The following ERI3 variants were observed in gnomAD, a reference collection of about 807,000 sequenced individuals.
ERI3 encodes the protein ERI1 exoribonuclease family member 3.
In ERI3, 18 loss-of-function variants were observed where a neutral mutation model predicts 44.4. The observed-to-expected ratio is 0.41, with a 90% confidence interval of 0.28 to 0.60. The LOEUF (loss-of-function observed/expected upper bound fraction) is 0.60. Among genes scored for constraint, ERI3 ranks in the 20% least tolerant of loss-of-function variants. The probability of loss-of-function intolerance (pLI) is 0.36; values close to 1 mark genes in which losing one functional copy is unlikely to be tolerated. For synonymous variants in ERI3, 183 were observed against 164.8 expected, an observed-to-expected ratio of 1.11 and a Z score of -0.84; for missense variants, 294 against 435.5, an observed-to-expected ratio of 0.68 and a Z score of 2.89.
At chr1:44,298,799 TC>T (rs1645664158) in intron 6 of ERI3, among the ~76,000 whole-genome samples, 1 of 152,124 alleles carries the variant, frequency 6.6e-6, no homozygotes, top group Admixed American at 6.5e-5. Flanking sequence ...GTACCTATAG[TC>T]CCAGCTACTC....
chr1:44,341,582 C>A (rs1326330818), intron 2 of ERI3, among the ~76,000 whole-genome samples: 1 of 152,164 alleles, frequency 6.6e-6, no homozygotes, highest in Non-Finnish European at 1.5e-5. Context: ...CACCTGATTT[C>A]ATCTACATCA....
At chr1:44,236,983 G>C (rs1039798349) in intron 8 of ERI3, among the ~76,000 whole-genome samples, 1 of 152,164 alleles carries the variant, frequency 6.6e-6, no homozygotes, top group Non-Finnish European at 1.5e-5. Flanking sequence ...GGGACTCCAG[G>C]AGTCCTACTT....
intron 6 of ERI3, among the ~76,000 whole-genome samples, chr1:44,292,689 A>C (rs1264064926): frequency 2.6e-5 from 4 of 152,194 alleles, no homozygotes; most frequent in African/African-American, 9.6e-5. Context: ...GCCTGCCCAC[A>C]GCCCTGGGGG....
At chr1:44,283,932 C>T (rs997544915) in intron 7 of ERI3, 1 of 461,440 alleles carries the variant, frequency 2.2e-6, no homozygotes, top group Non-Finnish European at 4.5e-6. Flanking sequence ...CTCGCCATAC[C>T]TAGCCTCACC....
rs1235838927 is a variant in ERI3 at position 44,325,406 on chromosome 1, C to A, written c.490-5662G>T. On this transcript the variant is annotated intron_variant, in intron 3 of 8. Coordinates refer to ENST00000372257, the MANE Select transcript of ERI3 (RefSeq NM_024066.3). Reference sequence around the variant, plus strand: ...TGCTCTCTAATTGCTCAGCTAGGAACCCCCAATGATTTCCTTGATAAACTG... The same window carrying A: ...TGCTCTCTAATTGCTCAGCTAGGAAACCCCAATGATTTCCTTGATAAACTG... Among the ~76,000 whole-genome samples the A allele has an allele frequency of 2.0e-4, 31 of 152,088 alleles. No homozygotes were observed. In the East Asian group the frequency reaches 6.0e-3, roughly 30 times the overall value.
chr1:44,314,896 C>T lies in ERI3; in HGVS notation c.607-1668G>A, dbSNP rs80043794. Among the ~76,000 whole-genome samples the T allele has an allele frequency of 2.0e-4, 30 of 152,358 alleles. No individual in the cohort carries two copies. The East Asian group carries it at 5.4e-3, about 27-fold the overall frequency. ...CAGCCCCAACTAGTACCGAGAGCCT[C>T]TACATCTTCCAGAGCCGCAAACCGA... On this transcript the variant is annotated intron_variant, in intron 4 of 8. Coordinates refer to ENST00000372257, the MANE Select transcript of ERI3 (RefSeq NM_024066.3).
At chr1:44,245,725 G>A (rs1236055549) in intron 8 of ERI3, among the ~76,000 whole-genome samples, 2 of 152,200 alleles carry the variant, frequency 1.3e-5, no homozygotes, top group African/African-American at 4.8e-5. Context: ...GGGCATTGCT[G>A]AGTCTCAAGA....
At chr1:44,320,513 C>T (rs1485794024) in intron 3 of ERI3, among the ~76,000 whole-genome samples, 2 of 152,120 alleles carry the variant, frequency 1.3e-5, no homozygotes, top group Non-Finnish European at 2.9e-5. Context: ...GCTGGCTGTG[C>T]AGCACGCCTC....
intron 2 of ERI3, 102 bp downstream of exon 2, chr1:44,352,748 G>T: frequency 7.7e-7 from 1 of 1,299,758 alleles, no homozygotes; most frequent in Non-Finnish European, 1.1e-6. Context: ...GGGATACATG[G>T]GAAAAAAAAT....
chr1:44,324,197 G>A (rs940447515), intron 3 of ERI3, among the ~76,000 whole-genome samples: 2 of 152,184 alleles, frequency 1.3e-5, no homozygotes, highest in Admixed American at 6.5e-5. Flanking sequence ...GGGCTGCTAA[G>A]TGGAGGAGAC....
rs1186054077 is a variant in ERI3, at chr1:44,355,250, A to C, written c.-224T>G. 3 of 1,161,496 alleles carry C rather than the reference A, an allele frequency of 2.6e-6. No individual in the cohort carries two copies. Among genetic ancestry groups the C allele is most frequent in the Admixed American group, 4.7e-5 (1 of 21,318 alleles). The allele number at this position is 1,161,496 out of a possible 1,614,324, so 71.9% of individuals were successfully genotyped here. On this transcript the variant is annotated 5_prime_UTR_variant, in exon 1 of 9. Transcript: ENST00000372257. ...AGCCAGCACCACGAGTCCACAACAC[A>C]CCGACTCACCTCCGCGCACTCTGAC...
intron 6 of ERI3, among the ~76,000 whole-genome samples, chr1:44,300,522 G>C (rs1022524226): frequency 3.3e-5 from 5 of 152,220 alleles, no homozygotes; most frequent in Non-Finnish European, 7.3e-5. Flanking sequence ...CTCAGGCTCT[G>C]AGGGAAGGAC....
At chr1:44,272,431 C>T (rs1209709297) in intron 7 of ERI3, among the ~76,000 whole-genome samples, 1 of 152,198 alleles carries the variant, frequency 6.6e-6, no homozygotes, top group Non-Finnish European at 1.5e-5. Flanking sequence ...CTGTGAGCCA[C>T]ATCCCACCTC....
intron 3 of ERI3, among the ~76,000 whole-genome samples, chr1:44,328,876 C>T (rs1426580039): frequency 2.0e-5 from 3 of 152,202 alleles, no homozygotes; most frequent in Admixed American, 6.5e-5. Context: ...TGCTAACCAT[C>T]GCTAGCTCTT....
intron 6 of ERI3, among the ~76,000 whole-genome samples, chr1:44,286,368 G>A (rs1645394405): frequency 6.6e-6 from 1 of 152,160 alleles, no homozygotes; most frequent in South Asian, 2.1e-4. Flanking sequence ...GAGGTGCCTA[G>A]TTTGAGGCAC....
chr1:44,281,254 G>C lies in ERI3; in HGVS notation c.831+3581C>G, dbSNP rs188349993. On this transcript the variant is annotated intron_variant, in intron 7 of 8. Coordinates refer to ENST00000372257, the MANE Select transcript of ERI3 (RefSeq NM_024066.3). ...CAACATCCACCTTCTTATATCCCCAGGCCCTCACACAGTACCTGGCACACA... is the reference window on the plus strand; with the variant it reads ...CAACATCCACCTTCTTATATCCCCACGCCCTCACACAGTACCTGGCACACA... Among the ~76,000 whole-genome samples, 976 of 152,070 alleles carry C rather than the reference G, an allele frequency of 6.4e-3. 4 individuals are homozygous for C. Among genetic ancestry groups the C allele is most frequent in the Non-Finnish European group, 9.6e-3 (651 of 67,986 alleles).
chr1:44,268,706 C>T (rs562323256), intron 7 of ERI3, among the ~76,000 whole-genome samples: 64 of 152,278 alleles, frequency 4.2e-4, no homozygotes, highest in African/African-American at 1.5e-3. Context: ...AATGTGAACA[C>T]ACATCCAGCT....
intron 8 of ERI3, among the ~76,000 whole-genome samples, chr1:44,242,452 C>T (rs1644459807): frequency 6.6e-6 from 1 of 152,280 alleles, no homozygotes; most frequent in Non-Finnish European, 1.5e-5. Context: ...CTCCTAAACC[C>T]TCAGCCAAGG....
chr1:44,221,603 G>C lies in ERI3; in HGVS notation c.969C>G (p.Leu323=). 1.2e-6 allele frequency: 2 copies of C among 1,614,156 alleles called. No individual in the cohort carries two copies. The highest frequency in any genetic ancestry group is 1.7e-6 in the Non-Finnish European group (2 of 1,180,002). ...CKNIANIMKT[L]AYRGFIFKQT... ...GCTTGAAGATGAAGCCTCGATAGGC[G>C]AGTGTCTTCATGATGTTGGCAATGT... The change falls in exon 9 of 9, where the codon CTC becomes CTG. Residue 323 remains leucine, a synonymous_variant. Coordinates refer to ENST00000372257, the MANE Select transcript of ERI3 (RefSeq NM_024066.3). This position sits in a 1 kb window ranked among gnomAD's most constrained non-coding sequence, Gnocchi z 5.9.
Sources: gnomAD v4.1 joint callset for allele counts (sites outside exome capture counted in the v4.1 genomes callset) on GRCh38, gnomAD v4.1.1 for gene constraint, Gnocchi (gnomAD v3.1) non-coding constraint, MANE v1.5 for transcripts, NCBI Gene and HGNC (gene_info 2026-07-23, HGNC 2026-07-21) for gene names.